Variants in USH2A observed in about 807,000 individuals in gnomAD.
USH2A encodes usherin.
Under a neutral mutation model 538.9 loss-of-function variants are expected in USH2A, and 443 were observed. That is an observed-to-expected ratio of 0.82 (90% CI 0.76 to 0.89). The LOEUF is 0.89. Among genes scored for constraint, USH2A ranks in the 40% least tolerant of loss-of-function variants. The probability of loss-of-function intolerance (pLI) is 0.00; values close to 1 mark genes in which losing one functional copy is unlikely to be tolerated. For missense variants in USH2A, 6,633 were observed against 6,324.8 expected (o/e 1.05, Z -1.65); for synonymous variants, 2,413 against 2,273.5 (o/e 1.06, Z -1.75).
chr1:215,916,516 C>T lies in USH2A; in HGVS notation c.7301-15611G>A, dbSNP rs77366243. On this transcript the variant is annotated intron_variant, in intron 38 of 71. Coordinates refer to ENST00000307340, the MANE Select transcript of USH2A (RefSeq NM_206933.4). The stretch of plus-strand genomic sequence containing the variant: ...AACTGAAAACTTCTCCAACATTTCA[C>T]GGAGAAATGGTAAGAATAGATCAGT... 6.1e-3 allele frequency among the ~76,000 whole-genome samples: 921 copies of T among 152,080 alleles called. 13 individuals are homozygous for T. Among genetic ancestry groups the T allele is most frequent in the South Asian group, 0.039 (189 of 4,820 alleles).
intron 15 of USH2A, among the ~76,000 whole-genome samples, chr1:216,216,195 T>C (rs78348290): frequency 0.043 from 6,501 of 152,200 alleles, 165 homozygotes; most frequent in African/African-American, 0.067. Context: ...GATTTATGTT[T>C]AGACTGTATT....
rs755480221 is a variant in USH2A at position 215,674,643 on chromosome 1, G to T, written c.13268C>A (p.Ala4423Asp). The T allele has an allele frequency of 6.2e-7, 1 of 1,614,128 alleles. No individual in the cohort carries two copies. The highest frequency in any genetic ancestry group is 8.5e-7 in the Non-Finnish European group (1 of 1,180,014). The change falls in exon 63 of 72, where the codon GCC (alanine) becomes GAC (aspartate). Residue 4423 changes from alanine (A) to aspartate (D), a missense_variant. Coordinates refer to ENST00000307340, the MANE Select transcript of USH2A (RefSeq NM_206933.4). ...AGCTGTGCAACCTCCATTCGTGCAG[G>T]CTACAAGGGAGAAGTTATACTGAGA... ...PYSQYNFSLV[A>D]CTNGGCTASV... is the part of the protein sequence containing the mutation.
At chr1:215,865,558 G>C (rs1664448317) in intron 44 of USH2A, among the ~76,000 whole-genome samples, 1 of 152,192 alleles carries the variant, frequency 6.6e-6, no homozygotes, top group Non-Finnish European at 1.5e-5. Flanking sequence ...GTGAGGTGGA[G>C]TAGAGAGCAA....
At chr1:215,734,422 T>TAAGG (rs1240375392) in intron 60 of USH2A, among the ~76,000 whole-genome samples, 1 of 152,152 alleles carries the variant, frequency 6.6e-6, no homozygotes, top group Admixed American at 6.5e-5. Context: ...TTCTAGGCCT[T>TAAGG]TTCCCTATTA....
At chr1:215,857,288 C>A (rs910333260) in intron 44 of USH2A, among the ~76,000 whole-genome samples, 3 of 152,208 alleles carry the variant, frequency 2.0e-5, no homozygotes, top group Middle Eastern at 3.4e-3. Context: ...AGATAGAAAA[C>A]ATGGAATTAT....
rs774644535 is a variant in USH2A at position 215,634,508 on chromosome 1, T to A, written c.15248A>T (p.Gln5083Leu). 5 of 1,614,222 alleles carry A rather than the reference T, an allele frequency of 3.1e-6. No individual in the cohort carries two copies. The Admixed American group carries it at 8.3e-5, about 27-fold the overall frequency. ...AACATTCAATGGAGACATCCTCTTCTGAAGAGGTACCAAGGGAGGTCTTTC... is the reference window on the plus strand; with the variant it reads ...AACATTCAATGGAGACATCCTCTTCAGAAGAGGTACCAAGGGAGGTCTTTC... ...IRERPPLVPL[Q>L]KRMSPLNVYP... is the part of the protein sequence containing the mutation. The change falls in exon 70 of 72, where the codon CAG becomes CTG. Residue 5083 changes from glutamine (Q) to leucine (L), a missense_variant. Gln to Leu is a moderately radical substitution (Grantham distance 113). Coordinates refer to ENST00000307340, the MANE Select transcript of USH2A (RefSeq NM_206933.4).
chr1:216,066,712 G>A lies in USH2A; in HGVS notation c.6049+3389C>T, dbSNP rs187002938. ...CTAGAAGGATTTTAAAGCAAACAGAGGTTTATTGATTTGTCCAAGCTACAC... is the reference window on the plus strand; with the variant it reads ...CTAGAAGGATTTTAAAGCAAACAGAAGTTTATTGATTTGTCCAAGCTACAC... On this transcript the variant is annotated intron_variant, in intron 30 of 71. Transcript: ENST00000307340. Among the ~76,000 whole-genome samples the A allele has an allele frequency of 1.4e-3, 217 of 152,178 alleles. 1 individual carries two copies. Among genetic ancestry groups the A allele is most frequent in the Middle Eastern group, 6.8e-3 (2 of 294 alleles).
chr1:215,681,193 T>C lies in USH2A; in HGVS notation c.12067-817A>G, dbSNP rs547361183. Among the ~76,000 whole-genome samples, 4 of 152,294 alleles carry C rather than the reference T, an allele frequency of 2.6e-5. No individual in the cohort carries two copies. In the East Asian group the frequency reaches 5.8e-4, roughly 22 times the overall value. The stretch of plus-strand genomic sequence containing the variant: ...ATTAACATATTTGGCATAACTAAAC[T>C]GGAGCTAAGAATCCTAATGTTTCTA... On this transcript the variant is annotated intron_variant, in intron 61 of 71. Coordinates refer to ENST00000307340, the MANE Select transcript of USH2A (RefSeq NM_206933.4).
Position 215,639,228 on chromosome 1 carries a change from GAA to G in USH2A, c.14977_14978del (p.Phe4993ProfsTer7), listed in dbSNP as rs747160949. The G allele has an allele frequency of 3.1e-6, 5 of 1,614,080 alleles. No homozygotes were observed. Among genetic ancestry groups the G allele is most frequent in the Non-Finnish European group, 3.4e-6 (4 of 1,180,008 alleles). ...IPRTADKTFFFQVICTTDEGS... is the reference protein window; with the variant it reads ...IPRTADKTFFXQVICTTDEGS... ...CTTCGTCAGTCGTGCAGATGACCTG[GAA>G]AAAGAAGGCTAGACAAAAGGAAGAA... On this transcript the variant is annotated frameshift_variant, in exon 69 of 72. Transcript: ENST00000307340. LOFTEE classifies it high-confidence loss of function.
intron 64 of USH2A, 48 bp from the exon 65 acceptor site, chr1:215,650,849 C>T: frequency 7.3e-7 from 1 of 1,361,082 alleles, no homozygotes. Context: ...TACCCTAAGG[C>T]TGGGAAAAAA....
At chr1:216,266,743 T>A (rs1558353016) in intron 11 of USH2A, among the ~76,000 whole-genome samples, 2 of 152,024 alleles carry the variant, frequency 1.3e-5, no homozygotes, top group Non-Finnish European at 1.5e-5. Flanking sequence ...TATATATGTA[T>A]ATATTCATGT....
At chr1:216,237,927 C>T (rs754569403) in intron 13 of USH2A, among the ~76,000 whole-genome samples, 1 of 152,102 alleles carries the variant, frequency 6.6e-6, no homozygotes, top group African/African-American at 2.4e-5. Flanking sequence ...ATTCAGGTCT[C>T]TCTGTGAAAA....
intron 3 of USH2A, among the ~76,000 whole-genome samples, chr1:216,406,845 C>T (rs1218333289): frequency 2.0e-5 from 3 of 152,144 alleles, no homozygotes; most frequent in Non-Finnish European, 4.4e-5. Flanking sequence ...TTGCATGGAA[C>T]ATTTTGGCCA....
chr1:216,343,781 A>G (rs1445061160), intron 4 of USH2A, among the ~76,000 whole-genome samples: 1 of 152,102 alleles, frequency 6.6e-6, no homozygotes, highest in Non-Finnish European at 1.5e-5. Flanking sequence ...AACAAAATGA[A>G]AATCAAATAA....
intron 3 of USH2A, among the ~76,000 whole-genome samples, chr1:216,370,276 A>G (rs1208663319): frequency 6.6e-6 from 1 of 151,766 alleles, no homozygotes; most frequent in Non-Finnish European, 1.5e-5. Context: ...CAGGATAATT[A>G]CTTGAACCGG....
At chr1:216,362,788 C>A (rs1002253495) in intron 4 of USH2A, among the ~76,000 whole-genome samples, 2 of 151,488 alleles carry the variant, frequency 1.3e-5, no homozygotes, top group Non-Finnish European at 2.9e-5. Flanking sequence ...ACTAAAAATA[C>A]AAAAGTTAGG....
intron 32 of USH2A, among the ~76,000 whole-genome samples, chr1:216,032,300 T>A (rs913339783): frequency 6.6e-6 from 1 of 152,162 alleles, no homozygotes; most frequent in African/African-American, 2.4e-5. Flanking sequence ...TTATTTACCA[T>A]TTTTAGAAGA....
intron 41 of USH2A, among the ~76,000 whole-genome samples, chr1:215,880,295 TAA>T: frequency 1.3e-5 from 2 of 152,292 alleles, no homozygotes; most frequent in Admixed American, 1.3e-4. Context: ...TGAGATTTTT[TAA>T]AGAGTATTCT....
rs192237536 is a variant in USH2A, at chr1:216,405,937, C to T, written c.651+12577G>A. On this transcript the variant is annotated intron_variant, in intron 3 of 71. Transcript: ENST00000307340. ...AGAAAGAAACAATCCCAAAAGAGTA[C>T]ATATTGTGTGATGTCATGTATACAA... Among the ~76,000 whole-genome samples the T allele has an allele frequency of 1.2e-3, 182 of 152,252 alleles. 1 individual carries two copies. The highest frequency in any genetic ancestry group is 3.4e-3 in the Middle Eastern group (1 of 294).
Sources: gnomAD v4.1 joint callset for allele counts (sites outside exome capture counted in the v4.1 genomes callset) on GRCh38, gnomAD v4.1.1 for gene constraint, MANE v1.5 for transcripts, NCBI Gene and HGNC (gene_info 2026-07-23, HGNC 2026-07-21) for gene names.